Variants in DLG5 observed in about 807,000 individuals in gnomAD.
The protein encoded by DLG5 is disks large homolog 5.
DLG5 carries 48 observed loss-of-function variants against 189.8 expected under a neutral mutation model. The ratio of observed to expected loss-of-function variants is 0.25; its 90% CI spans 0.20 to 0.32. The LOEUF (loss-of-function observed/expected upper bound fraction) is 0.32, where lower values mean the gene tolerates loss of function less well. Among genes scored for constraint, DLG5 ranks in the 10% least tolerant of loss-of-function variants. The pLI is 1.00. For synonymous variants in DLG5, 1,016 were observed against 1,054.1 expected, an observed-to-expected ratio of 0.96 and a Z score of 0.70; for missense variants, 2,160 against 2,544.7, an observed-to-expected ratio of 0.85 and a Z score of 3.25.
chr10:77,889,127 G>A (rs1414132698), intron 1 of DLG5, among the ~76,000 whole-genome samples: 1 of 140,768 alleles, frequency 7.1e-6, no homozygotes, highest in African/African-American at 2.7e-5. Flanking sequence ...AACCTCCCAG[G>A]CCTCACAAGC....
intron 13 of DLG5, among the ~76,000 whole-genome samples, chr10:77,827,814 C>T (rs1165941569): frequency 1.3e-5 from 2 of 152,136 alleles, no homozygotes; most frequent in African/African-American, 2.4e-5. Flanking sequence ...AGGTAGGATG[C>T]GAATTGCAGA....
intron 27 of DLG5, among the ~76,000 whole-genome samples, chr10:77,797,710 C>T (rs1840994277): frequency 6.6e-6 from 1 of 152,144 alleles, no homozygotes; most frequent in Non-Finnish European, 1.5e-5. Context: ...GATCTGTACG[C>T]ATATGCAGAA....
intron 2 of DLG5, among the ~76,000 whole-genome samples, chr10:77,862,942 C>T (rs1844529290): frequency 6.6e-6 from 1 of 152,116 alleles, no homozygotes; most frequent in Admixed American, 6.6e-5. Context: ...TGCAAAAGTG[C>T]AGAGGGAATT....
intron 1 of DLG5, among the ~76,000 whole-genome samples, chr10:77,892,156 T>C (rs911904479): frequency 6.6e-6 from 1 of 152,294 alleles, no homozygotes. Flanking sequence ...ATGCCCCAGC[T>C]AATGGAATCG....
At chr10:77,809,348 G>A (rs1841640712) in intron 24 of DLG5, among the ~76,000 whole-genome samples, 199 bp downstream of exon 24, 1 of 152,252 alleles carries the variant, frequency 6.6e-6, no homozygotes, top group African/African-American at 2.4e-5. Context: ...GAAGGTTGCA[G>A]TGAGCTGAGA....
At chr10:77,858,680 C>T (rs1483843686) in intron 2 of DLG5, among the ~76,000 whole-genome samples, 1 of 152,130 alleles carries the variant, frequency 6.6e-6, no homozygotes, top group East Asian at 1.9e-4. Flanking sequence ...ATGAAAAATT[C>T]CTGTCACCTA....
intron 23 of DLG5, among the ~76,000 whole-genome samples, chr10:77,810,473 G>A (rs1023735397): frequency 6.6e-6 from 1 of 152,202 alleles, no homozygotes; most frequent in Admixed American, 6.5e-5. Context: ...GTCACACCAT[G>A]GCCTGGATGG....
At chr10:77,810,764 G>T (rs1245374258) in intron 23 of DLG5, among the ~76,000 whole-genome samples, 1 of 152,178 alleles carries the variant, frequency 6.6e-6, no homozygotes, top group African/African-American at 2.4e-5. Context: ...ACTGCTGTGG[G>T]TGGCCAGAGC....
At chr10:77,846,877 C>G (rs1843722058) in intron 5 of DLG5, among the ~76,000 whole-genome samples, 1 of 152,150 alleles carries the variant, frequency 6.6e-6, no homozygotes, top group Admixed American at 6.5e-5. Context: ...CGGCTTCCCG[C>G]CTTCCCAGCT....
chr10:77,835,982 C>T, intron 7 of DLG5, 60 bp from the exon 8 acceptor site: 1 of 1,554,062 alleles, frequency 6.4e-7, no homozygotes, highest in Non-Finnish European at 8.8e-7. Flanking sequence ...ACCAGGAGCG[C>T]CTCCCACCAG....
At chr10:77,891,881 G>C (rs1182934245) in intron 1 of DLG5, among the ~76,000 whole-genome samples, 1 of 152,148 alleles carries the variant, frequency 6.6e-6, no homozygotes, top group African/African-American at 2.4e-5. Flanking sequence ...CTTTGAATGA[G>C]TCCCCTAGCA....
At chr10:77,936,828 C>T in the DLG5 span, among the ~76,000 whole-genome samples, 380 of 152,284 alleles carry the variant, frequency 2.5e-3, 5 homozygotes, top group Admixed American at 4.6e-3. Context: ...AGCTGTCATC[C>T]CTTCTTCCTG....
chr10:77,875,708 C>G (rs1356729711), intron 1 of DLG5, among the ~76,000 whole-genome samples: 1 of 152,066 alleles, frequency 6.6e-6, no homozygotes, highest in Non-Finnish European at 1.5e-5. Flanking sequence ...TTTTAAAGAC[C>G]TCCTGGGATG....
At chr10:77,871,582 G>A (rs1432334593) in intron 1 of DLG5, among the ~76,000 whole-genome samples, 5 of 116,340 alleles carry the variant, frequency 4.3e-5, no homozygotes, top group East Asian at 2.6e-4. Flanking sequence ...TTGCACTGTC[G>A]CCTGGGCTGG....
At chr10:77,799,584 T>C (rs1368730978) in intron 27 of DLG5, among the ~76,000 whole-genome samples, 1 of 152,204 alleles carries the variant, frequency 6.6e-6, no homozygotes, top group Non-Finnish European at 1.5e-5. Context: ...GTTATTTAAG[T>C]CACCTAGTCT....
Position 77,856,863 on chromosome 10 carries a change from G to A in DLG5, c.403C>T (p.Pro135Ser). 2 of 1,612,334 alleles carry A rather than the reference G, an allele frequency of 1.2e-6. No homozygotes were observed. The highest frequency in any genetic ancestry group is 2.0e-4 in the Middle Eastern group (1 of 4,916). The change falls in exon 3 of 32, where the codon CCC becomes TCC. Residue 135 changes from proline (P) to serine (S), a missense_variant. By Grantham distance (74) the Pro-to-Ser change is moderately conservative (BLOSUM62 -1). This residue lies in a region of DLG5 where 664 missense variants were observed against 838.5 expected (regional missense o/e 0.79). Transcript: ENST00000372391. Reference sequence around the variant, plus strand: ...TTCACTTGCTGGTCAGTGAGGAGGGGTGGTGGGGACGGCGCCTTCCCGGTA... The same window carrying A: ...TTCACTTGCTGGTCAGTGAGGAGGGATGGTGGGGACGGCGCCTTCCCGGTA... ...GTTGKAPSPP[P>S]LLTDQQVNEK...
the DLG5 span, among the ~76,000 whole-genome samples, chr10:77,933,317 G>A: frequency 0.013 from 2,037 of 151,512 alleles, 35 homozygotes; most frequent in African/African-American, 0.043. Flanking sequence ...ATAGAGTCTC[G>A]CTCTTGTTCC....
At chr10:77,797,551 G>C (rs557676959) in intron 27 of DLG5, among the ~76,000 whole-genome samples, 5 of 152,328 alleles carry the variant, frequency 3.3e-5, no homozygotes, top group African/African-American at 1.2e-4. Flanking sequence ...AGGGTGAAAA[G>C]ACCACTTGGG....
intron 7 of DLG5, among the ~76,000 whole-genome samples, chr10:77,838,877 T>C (rs1365990739): frequency 6.6e-6 from 1 of 152,138 alleles, no homozygotes; most frequent in African/African-American, 2.4e-5. Context: ...CAGACCAACT[T>C]GAGAAGGAGC....
Sources: allele counts gnomAD v4.1 joint callset (sites outside exome capture counted in the v4.1 genomes callset), GRCh38; gene constraint gnomAD v4.1.1; regional missense constraint gnomAD v4.1.1; transcripts MANE v1.5; gene names NCBI Gene and HGNC (gene_info 2026-07-23, HGNC 2026-07-21).